TSHR: variants seen among roughly 807,000 people sequenced by gnomAD.
The protein encoded by TSHR is thyroid stimulating hormone receptor, also known as thyrotropin receptor.
Under a neutral mutation model 64.1 loss-of-function variants are expected in TSHR, and 51 were observed. That is an observed-to-expected ratio of 0.80 (90% CI 0.64 to 1.01). TSHR has a LOEUF of 1.01. Ranked by LOEUF, TSHR falls within the 50% of genes least tolerant of loss-of-function variation. The pLI, the probability that TSHR is intolerant of heterozygous loss-of-function variation, is 0.00. For missense variants in TSHR, 877 were observed against 942.8 expected (o/e 0.93, Z 0.91); for synonymous variants, 361 against 361.9 (o/e 1.00, Z 0.03).
At chr14:80,987,553 G>C (rs768062069) in intron 1 of TSHR, among the ~76,000 whole-genome samples, 40 of 152,210 alleles carry the variant, frequency 2.6e-4, no homozygotes, top group Middle Eastern at 3.4e-3. Flanking sequence ...GCTTTTAATT[G>C]ACAGCTCAAT....
intron 7 of TSHR, among the ~76,000 whole-genome samples, chr14:81,100,002 G>A (rs1889472241): frequency 6.6e-6 from 1 of 152,130 alleles, no homozygotes; most frequent in Admixed American, 6.5e-5. Flanking sequence ...ATTTTCTATT[G>A]AAAGGATGGA....
At chr14:81,004,061 A>C (rs1889474560) in intron 1 of TSHR, among the ~76,000 whole-genome samples, 1 of 152,186 alleles carries the variant, frequency 6.6e-6, no homozygotes, top group Non-Finnish European at 1.5e-5. Flanking sequence ...GTTTATGTAC[A>C]TCTGTGCTCT....
intron 1 of TSHR, among the ~76,000 whole-genome samples, chr14:80,972,034 G>A (rs1887613526): frequency 6.6e-6 from 1 of 152,144 alleles, no homozygotes; most frequent in Non-Finnish European, 1.5e-5. Context: ...GTACTAGAGG[G>A]AAGAATTTTC....
chr14:81,014,619 C>T (rs1049344018), intron 1 of TSHR, among the ~76,000 whole-genome samples: 3 of 152,140 alleles, frequency 2.0e-5, no homozygotes, highest in African/African-American at 7.2e-5. Flanking sequence ...TTTAACATGC[C>T]TTGTTTGCCA....
chr14:81,032,762 A>G, intron 1 of TSHR: 1 of 433,614 alleles, frequency 2.3e-6, no homozygotes, highest in Non-Finnish European at 4.5e-6. Flanking sequence ...AGAATTCCAA[A>G]TTGGTGGAAG....
chr14:81,002,257 C>T (rs1449033942), intron 1 of TSHR, among the ~76,000 whole-genome samples: 1 of 152,022 alleles, frequency 6.6e-6, no homozygotes, highest in African/African-American at 2.4e-5. Context: ...GGGATTATAG[C>T]CCTTTATTTC....
At position 81,002,863 on chromosome 14, in the gene TSHR, T is replaced by C. The variant is rs1889414994; in HGVS notation, c.170+47013T>C. On this transcript the variant is annotated intron_variant, in intron 1 of 9. Coordinates refer to ENST00000298171, the MANE Select transcript of TSHR (RefSeq NM_000369.5). The stretch of plus-strand genomic sequence containing the variant: ...TATTATTATACTTTAAGTTTTAGGG[T>C]ACATGTGCACATTGTGCAGGTTAGT... Among the ~76,000 whole-genome samples, 2 of 64,304 alleles carry C rather than the reference T, an allele frequency of 3.1e-5. 1 individual carries two copies. The highest frequency in any genetic ancestry group is 8.9e-4 in the South Asian group (2 of 2,238). 42.2% of individuals were successfully genotyped at this position (64,304 alleles called of 152,430 possible).
intron 1 of TSHR, among the ~76,000 whole-genome samples, chr14:81,002,781 C>CTTTTTTTTTTTTTTTT (rs1174635270): frequency 1.8e-4 from 8 of 44,314 alleles, no homozygotes; most frequent in African/African-American, 2.9e-4. Context: ...CCTAATGCCT[C>CTTTTTTTTTTTTTTTT]TTTTTTTTTT....
intron 8 of TSHR, among the ~76,000 whole-genome samples, chr14:81,125,663 G>A (rs1398162224): frequency 2.6e-5 from 4 of 152,102 alleles, no homozygotes; most frequent in Non-Finnish European, 5.9e-5. Context: ...TCTTGGTGCA[G>A]CTCCCTTGGA....
intron 4 of TSHR, among the ~76,000 whole-genome samples, chr14:81,090,307 T>C (rs1248961250): frequency 6.6e-6 from 1 of 152,176 alleles, no homozygotes; most frequent in Non-Finnish European, 1.5e-5. Context: ...TGCAGTGGCA[T>C]GATCTCGGCT....
At chr14:80,970,779 G>T (rs1887550402) in intron 1 of TSHR, among the ~76,000 whole-genome samples, 1 of 152,238 alleles carries the variant, frequency 6.6e-6, no homozygotes, top group African/African-American at 2.4e-5. Context: ...TTTGTAAAAG[G>T]TAGAAAGGGC....
intron 1 of TSHR, among the ~76,000 whole-genome samples, chr14:81,040,177 T>C (rs1043555202): frequency 2.0e-5 from 3 of 151,752 alleles, no homozygotes; most frequent in Non-Finnish European, 4.4e-5. Context: ...TTAAAGCCAA[T>C]TGATTTTCAA....
chr14:80,965,707 T>G (rs1291409432), intron 1 of TSHR, among the ~76,000 whole-genome samples: 2 of 152,228 alleles, frequency 1.3e-5, no homozygotes, highest in African/African-American at 4.8e-5. Context: ...TTTAAAGTGT[T>G]CCATTTAGAT....
In TSHR at chr14:81,068,346, T is replaced by A; in HGVS notation, c.317+18T>A. The A allele has an allele frequency of 6.2e-7, 1 of 1,611,370 alleles. No homozygotes were observed. Among genetic ancestry groups the A allele is most frequent in the Non-Finnish European group, 8.5e-7 (1 of 1,178,366 alleles). ...ACTCACATGTAAGTACAAGGAAAAG[T>A]GCAGCATAGACCTAAGCCACAACCA... On this transcript the variant is annotated intron_variant, in intron 3 of 9. Transcript: ENST00000298171.
rs1038136982 is a variant in TSHR at position 80,958,661 on chromosome 14, T to C, written c.170+2811T>C. 1.6e-4 allele frequency among the ~76,000 whole-genome samples: 25 copies of C among 151,924 alleles called. 1 individual carries two copies. Among genetic ancestry groups the C allele is most frequent in the Admixed American group, 1.4e-3 (22 of 15,272 alleles). ...TTTCTTGACAAGAAAATCTAGATCT[T>C]TTTTTACATCTTTCTAGACAAGAAA... On this transcript the variant is annotated intron_variant, in intron 1 of 9. Transcript: ENST00000298171.
At chr14:80,994,129 A>G (rs904659405) in intron 1 of TSHR, 2 of 152,156 alleles carry the variant, frequency 1.3e-5, no homozygotes, top group Admixed American at 6.5e-5. Flanking sequence ...AATGAATAGT[A>G]AATATAGTTT....
At chr14:81,005,242 C>T (rs1011910000) in intron 1 of TSHR, among the ~76,000 whole-genome samples, 10 of 104,834 alleles carry the variant, frequency 9.5e-5, no homozygotes, top group African/African-American at 4.4e-4. Flanking sequence ...TGTGTGTGTG[C>T]ACGCACGCAC....
At chr14:81,008,339 A>AT (rs770951489) in intron 1 of TSHR, among the ~76,000 whole-genome samples, 31 of 151,784 alleles carry the variant, frequency 2.0e-4, no homozygotes, top group Non-Finnish European at 3.7e-4. Context: ...CGCCCGGCTA[A>AT]TTTTTTGTAT....
rs148023458 is a variant in TSHR, at chr14:80,973,679, T to C, written c.170+17829T>C. Among the ~76,000 whole-genome samples the C allele has an allele frequency of 1.8e-4, 28 of 152,308 alleles. 1 individual carries two copies. The highest frequency in any genetic ancestry group is 6.5e-4 in the African/African-American group (27 of 41,576). On this transcript the variant is annotated intron_variant, in intron 1 of 9. Coordinates refer to ENST00000298171, the MANE Select transcript of TSHR (RefSeq NM_000369.5). ...AATATTCATGCAAAGGGCTTTTCTCTGTTATAAGGAAGCTGAAGAACAATT... is the reference window on the plus strand; with the variant it reads ...AATATTCATGCAAAGGGCTTTTCTCCGTTATAAGGAAGCTGAAGAACAATT...
Sources: gnomAD v4.1 joint callset for allele counts (sites outside exome capture counted in the v4.1 genomes callset) on GRCh38, gnomAD v4.1.1 for gene constraint, MANE v1.5 for transcripts, NCBI Gene and HGNC (gene_info 2026-07-23, HGNC 2026-07-21) for gene names.